The following MAGI2 variants were observed in gnomAD, a reference collection of about 807,000 sequenced individuals.
The protein encoded by MAGI2 is membrane-associated guanylate kinase, WW and PDZ domain-containing protein 2.
A neutral mutation model predicts 133.3 loss-of-function variants in MAGI2; 35 were observed. The observed-to-expected ratio is 0.26, with a 90% confidence interval of 0.20 to 0.35. The LOEUF is 0.35. Among genes scored for constraint, MAGI2 ranks in the 10% least tolerant of loss-of-function variants. The pLI is 1.00. For missense variants in MAGI2, 1,636 were observed against 1,863.4 expected, an observed-to-expected ratio of 0.88 and a Z score of 2.25; for synonymous variants, 729 against 710.6, an observed-to-expected ratio of 1.03 and a Z score of -0.41.
chr7:78,317,736 G>A (rs1427882017), intron 9 of MAGI2, among the ~76,000 whole-genome samples: 1 of 152,164 alleles, frequency 6.6e-6, no homozygotes, highest in Non-Finnish European at 1.5e-5. Context: ...TCATACAGGA[G>A]AGCTCTGGTT....
At chr7:78,236,359 A>G (rs1790541473) in intron 10 of MAGI2, among the ~76,000 whole-genome samples, 1 of 152,150 alleles carries the variant, frequency 6.6e-6, no homozygotes, top group South Asian at 2.1e-4. Flanking sequence ...ATTTTTATAC[A>G]CTCAGCTGCA....
chr7:78,684,537 G>C (rs1049845550), intron 2 of MAGI2, among the ~76,000 whole-genome samples: 1 of 151,896 alleles, frequency 6.6e-6, no homozygotes, highest in African/African-American at 2.4e-5. Flanking sequence ...TAATTGTCTA[G>C]GTCTATAAAA....
At chr7:78,139,777 A>G (rs567823521) in intron 16 of MAGI2, among the ~76,000 whole-genome samples, 1 of 152,344 alleles carries the variant, frequency 6.6e-6, no homozygotes, top group Non-Finnish European at 1.5e-5. Flanking sequence ...CTAGTCAGAA[A>G]TTTCCTTTTA....
chr7:78,897,413 G>T (rs1052942379), intron 2 of MAGI2, among the ~76,000 whole-genome samples: 3 of 152,166 alleles, frequency 2.0e-5, no homozygotes, highest in Non-Finnish European at 4.4e-5. Context: ...ATCCAACAGT[G>T]TCAGAGGCAG....
At chr7:79,338,097 T>G (rs988262287) in intron 1 of MAGI2, among the ~76,000 whole-genome samples, 3 of 152,314 alleles carry the variant, frequency 2.0e-5, no homozygotes, top group African/African-American at 7.2e-5. Context: ...AAAATACTTT[T>G]GCACTTTTGG....
intron 6 of MAGI2, among the ~76,000 whole-genome samples, chr7:78,461,336 A>C (rs1446785956): frequency 1.3e-5 from 2 of 151,922 alleles, no homozygotes; most frequent in East Asian, 3.9e-4. Context: ...TAAGTGTATA[A>C]GTAAGAAAAC....
intron 1 of MAGI2, among the ~76,000 whole-genome samples, chr7:79,282,288 G>A (rs1219305561): frequency 6.6e-6 from 1 of 152,162 alleles, no homozygotes; most frequent in African/African-American, 2.4e-5. Flanking sequence ...CAACTGAAGA[G>A]AGCTGCGGCA....
At chr7:78,360,027 T>A (rs1199449404) in intron 7 of MAGI2, among the ~76,000 whole-genome samples, 1 of 152,222 alleles carries the variant, frequency 6.6e-6, no homozygotes, top group African/African-American at 2.4e-5. Context: ...TGCATATTGA[T>A]AAAGAGATGA....
intron 1 of MAGI2, among the ~76,000 whole-genome samples, chr7:79,314,026 T>C (rs2129560927): frequency 6.6e-6 from 1 of 152,276 alleles, no homozygotes; most frequent in South Asian, 2.1e-4. Context: ...CAGGCTGGAA[T>C]GCAGTGACGC....
At chr7:78,909,227 T>C in intron 2 of MAGI2, among the ~76,000 whole-genome samples, 1 of 151,564 alleles carries the variant, frequency 6.6e-6, no homozygotes, top group East Asian at 1.9e-4. Flanking sequence ...TCAACATCAC[T>C]GATCATTAGA....
chr7:79,035,225 G>T (rs368121880), intron 1 of MAGI2, among the ~76,000 whole-genome samples: 234 of 151,906 alleles, frequency 1.5e-3, no homozygotes, highest in African/African-American at 5.4e-3. Context: ...GGGGGCAGGG[G>T]GGGTGGTGGG....
chr7:79,451,972 A>G (rs544680430), intron 1 of MAGI2, among the ~76,000 whole-genome samples: 3 of 152,128 alleles, frequency 2.0e-5, no homozygotes, highest in Non-Finnish European at 4.4e-5. Context: ...CTGCACCATA[A>G]TTTTCTTTCG....
In MAGI2 at chr7:78,251,237, C is replaced by A. The variant is rs572086702; in HGVS notation, c.2047+4706G>T. Among the ~76,000 whole-genome samples the A allele has an allele frequency of 1.6e-3, 248 of 152,262 alleles. 1 individual carries two copies. The highest frequency in any genetic ancestry group is 3.0e-3 in the Non-Finnish European group (202 of 67,996). ...AAGAATAGAAGACAACTTTCTCAAC[C>A]TGATAAAGGGCATATAAAAATCCTG... On this transcript the variant is annotated intron_variant, in intron 10 of 21. Transcript: ENST00000354212.
At chr7:79,441,759 G>T (rs928994821) in intron 1 of MAGI2, among the ~76,000 whole-genome samples, 2 of 151,812 alleles carry the variant, frequency 1.3e-5, no homozygotes, top group African/African-American at 4.8e-5. Context: ...TTACATTTTT[G>T]ATTTCTCACC....
rs73143413 is a variant in MAGI2 at position 79,061,392 on chromosome 7, T to A, written c.302-54186A>T. On this transcript the variant is annotated intron_variant, in intron 1 of 21. Coordinates refer to ENST00000354212, the MANE Select transcript of MAGI2 (RefSeq NM_012301.4). ...CGAGGCTGAGAAGAGGAATTAATTT[T>A]ATTCATCACACAAGTTAGGGAGAAG... 7.5e-3 allele frequency among the ~76,000 whole-genome samples: 1,147 copies of A among 152,134 alleles called. 7 individuals carry two copies. The highest frequency in any genetic ancestry group is 0.014 in the Non-Finnish European group (950 of 67,992).
intron 1 of MAGI2, among the ~76,000 whole-genome samples, chr7:79,386,175 AT>A (rs1844167455): frequency 6.6e-6 from 1 of 151,976 alleles, no homozygotes; most frequent in Non-Finnish European, 1.5e-5. Context: ...TAATGGTTAC[AT>A]TTTTAATATA....
At chr7:79,146,686 T>C (rs1822662653) in intron 1 of MAGI2, among the ~76,000 whole-genome samples, 1 of 152,206 alleles carries the variant, frequency 6.6e-6, no homozygotes, top group Non-Finnish European at 1.5e-5. Flanking sequence ...AAGACGTGAC[T>C]TTGCTCCTCA....
intron 3 of MAGI2, among the ~76,000 whole-genome samples, chr7:78,582,087 T>C (rs890198293): frequency 1.3e-5 from 2 of 152,222 alleles, no homozygotes; most frequent in Non-Finnish European, 2.9e-5. Context: ...CCTGCTTCTG[T>C]TGTTTTCTCA....
intron 10 of MAGI2, among the ~76,000 whole-genome samples, chr7:78,215,826 C>T (rs1788214810): frequency 6.6e-6 from 1 of 152,174 alleles, no homozygotes; most frequent in African/African-American, 2.4e-5. Context: ...AAATCTTCCA[C>T]AGATTTGGCC....
Sources: allele counts gnomAD v4.1 joint callset (sites outside exome capture counted in the v4.1 genomes callset), GRCh38; gene constraint gnomAD v4.1.1; transcripts MANE v1.5; gene names NCBI Gene and HGNC (gene_info 2026-07-23, HGNC 2026-07-21).